NR4A1: variants seen among roughly 807,000 people sequenced by gnomAD.
NR4A1 encodes the protein nuclear receptor subfamily 4immunitygroup A member 1.
In NR4A1, 24 loss-of-function variants were observed where a neutral mutation model predicts 47.5. The observed-to-expected ratio is 0.50, with a 90% CI of 0.37 to 0.71. The LOEUF (loss-of-function observed/expected upper bound fraction) is 0.71. Among genes scored for constraint, NR4A1 ranks in the 30% least tolerant of loss-of-function variants. The probability of loss-of-function intolerance (pLI) is 0.00; values close to 1 mark genes in which losing one functional copy is unlikely to be tolerated. For synonymous variants in NR4A1, 353 were observed against 345.7 expected (o/e 1.02, Z -0.24); for missense variants, 669 against 788.6 (o/e 0.85, Z 1.82).
chr12:52,039,205 C>T (rs1938349873), intron 1 of NR4A1, among the ~76,000 whole-genome samples: 1 of 152,178 alleles, frequency 6.6e-6, no homozygotes, highest in African/African-American at 2.4e-5. Flanking sequence ...ATGTATCTGG[C>T]ACATGTTGTT....
intron 1 of NR4A1, among the ~76,000 whole-genome samples, chr12:52,035,561 C>T (rs1409547010): frequency 2.6e-5 from 4 of 152,112 alleles, no homozygotes; most frequent in Non-Finnish European, 5.9e-5. Flanking sequence ...AACAGGAGGG[C>T]ACAGGGTGAG....
chr12:52,058,596 G>A (rs970983163), intron 6 of NR4A1, 92 bp from the exon 7 acceptor site: 24 of 1,433,116 alleles, frequency 1.7e-5, no homozygotes, highest in Non-Finnish European at 2.2e-5. Flanking sequence ...ATGAGGGGTG[G>A]TCAGGGGCAG....
chr12:52,048,879 GC>G (rs1251955312), upstream of NR4A1, among the ~76,000 whole-genome samples: 1 of 151,794 alleles, frequency 6.6e-6, no homozygotes, highest in African/African-American at 2.4e-5. Flanking sequence ...CAAAATCTAA[GC>G]AAAATCTTAC....
chr12:52,057,242 C>T lies in NR4A1; in HGVS notation c.1344C>T (p.Ile448=), dbSNP rs143330151. The part of the protein sequence containing the change: ...LLESAFLELF[I]LRLAYRSKPG... ...AGTCGGCCTTCCTGGAGCTCTTCAT[C>T]CTCCGCCTGGCGTACAGGTGAGAGC... The change falls in exon 5 of 7, where the codon ATC becomes ATT. Residue 448 remains isoleucine (I), a synonymous_variant. Coordinates refer to ENST00000394825, the MANE Select transcript of NR4A1 (RefSeq NM_173157.3). The T allele has an allele frequency of 3.5e-4, 558 of 1,613,844 alleles. 1 individual carries two copies. Among genetic ancestry groups the T allele is most frequent in the Middle Eastern group, 9.9e-4 (6 of 6,062 alleles).
intron 1 of NR4A1, among the ~76,000 whole-genome samples, chr12:52,034,033 G>T (rs1460017023): frequency 1.3e-5 from 2 of 152,154 alleles, no homozygotes; most frequent in Non-Finnish European, 2.9e-5. Context: ...ACCTGGGGAG[G>T]GCCACTGAGA....
intron 1 of NR4A1, among the ~76,000 whole-genome samples, chr12:52,023,774 G>A (rs1460334287): frequency 6.6e-6 from 1 of 151,994 alleles, no homozygotes; most frequent in African/African-American, 2.4e-5. Flanking sequence ...CCAGCCTGCC[G>A]AGCCGCTCCT....
chr12:52,038,727 T>A (rs1177905019), intron 1 of NR4A1: 1 of 764,906 alleles, frequency 1.3e-6, no homozygotes, highest in Non-Finnish European at 2.4e-6. Context: ...GTGCACAGTA[T>A]AAAATCAAGA....
chr12:52,034,738 A>G (rs1938201363), intron 1 of NR4A1, among the ~76,000 whole-genome samples: 1 of 152,184 alleles, frequency 6.6e-6, no homozygotes, highest in Non-Finnish European at 1.5e-5. Context: ...AAGAAGCGAC[A>G]TTGCTCCTAT....
At chr12:52,035,994 T>G (rs916435288) in intron 1 of NR4A1, among the ~76,000 whole-genome samples, 4 of 152,174 alleles carry the variant, frequency 2.6e-5, no homozygotes, top group African/African-American at 9.7e-5. Flanking sequence ...CAGGGGCTAG[T>G]GGCTGGCACA....
At chr12:52,040,825 C>T (rs1032543533) in intron 1 of NR4A1, among the ~76,000 whole-genome samples, 1 of 152,208 alleles carries the variant, frequency 6.6e-6, no homozygotes, top group Non-Finnish European at 1.5e-5. Context: ...CTTCTCTTTT[C>T]CCAGACCTCA....
rs775662036 is a variant in NR4A1, at chr12:52,058,683, C to T, written c.1541-5C>T. On this transcript the variant is annotated splice_polypyrimidine_tract_variant and splice_region_variant and intron_variant, in intron 6 of 6. Coordinates refer to ENST00000394825, the MANE Select transcript of NR4A1 (RefSeq NM_173157.3). ...TGTACAGCTAATCCTGTACCCTTCCCGCAGACCGGCATGGGCTGCAGGAGC... is the reference window on the plus strand; with the variant it reads ...TGTACAGCTAATCCTGTACCCTTCCTGCAGACCGGCATGGGCTGCAGGAGC... 27 of 1,594,618 alleles carry T rather than the reference C, an allele frequency of 1.7e-5. No individual in the cohort carries two copies. Among genetic ancestry groups the T allele is most frequent in the Non-Finnish European group, 2.0e-5 (24 of 1,171,038 alleles).
chr12:52,054,409 CCCTGAGT>C lies in NR4A1; in HGVS notation c.82_88del (p.Pro28SerfsTer87), dbSNP rs772211662. 1.2e-6 allele frequency: 2 copies of C among 1,613,786 alleles called. No individual in the cohort carries two copies. Among genetic ancestry groups the C allele is most frequent in the South Asian group, 2.2e-5 (2 of 91,072 alleles). On this transcript the variant is annotated frameshift_variant, in exon 2 of 7. Coordinates refer to ENST00000394825, the MANE Select transcript of NR4A1 (RefSeq NM_173157.3). LOFTEE classifies it high-confidence loss of function. ...ACCACCTGGCAAGCGACCCCCTGAC[CCCTGAGT>C]TCATCAAGCCCACCATGGACCTGGC...
intron 2 of NR4A1, 195 bp from the exon 3 acceptor site, chr12:52,055,835 T>C: frequency 2.2e-6 from 1 of 459,164 alleles, no homozygotes; most frequent in Non-Finnish European, 3.8e-6. Flanking sequence ...CCTCCCCCAA[T>C]GTCTTCAAGA....
chr12:52,056,465 C>G (rs1179779060), intron 3 of NR4A1, 29 bp from the exon 4 acceptor site: 1 of 1,606,254 alleles, frequency 6.2e-7, no homozygotes, highest in Non-Finnish European at 8.5e-7. Context: ...AGATCCCTTC[C>G]TTCCTCACCC....
upstream of NR4A1, among the ~76,000 whole-genome samples, chr12:52,048,822 C>CT (rs879809627): frequency 2.4e-3 from 352 of 145,690 alleles, no homozygotes; most frequent in African/African-American, 7.9e-3. Flanking sequence ...GGTTTTAAAC[C>CT]TTTTTTTTTT....
In NR4A1 at chr12:52,059,144, G is replaced by A. The variant is rs1402757677; in HGVS notation, c.*200G>A. ...CTTCATGGGGGTGACCCCACGATTT[G>A]TCTTATCCCCCCCAGCCTGGCCCCG... On this transcript the variant is annotated 3_prime_UTR_variant, in exon 7 of 7. Transcript: ENST00000394825. 1.5e-5 allele frequency: 10 copies of A among 657,106 alleles called. No homozygotes were observed. The highest frequency in any genetic ancestry group is 2.3e-5 in the Non-Finnish European group (9 of 397,064). 40.7% of individuals were successfully genotyped at this position (657,106 alleles called of 1,614,324 possible).
At chr12:52,037,613 C>T in intron 1 of NR4A1, 1 of 985,464 alleles carries the variant, frequency 1.0e-6, no homozygotes, top group Non-Finnish European at 1.2e-6. Context: ...CCGAGTCAGC[C>T]CCCAAGGGCG....
chr12:52,046,855 C>A (rs111903375), upstream of NR4A1, among the ~76,000 whole-genome samples: 4 of 152,024 alleles, frequency 2.6e-5, no homozygotes, highest in African/African-American at 9.7e-5. Context: ...TGGTGGCGGG[C>A]GCTTGTAGTC....
Position 52,056,408 on chromosome 12 carries a change from G to C in NR4A1, c.1007-86G>C, listed in dbSNP as rs2701123. ...CTGGGTCCTAGGGACTCGGTGGGGCGCGTCTCAGCAGTGGTGTGCACGGCT... is the reference window on the plus strand; with the variant it reads ...CTGGGTCCTAGGGACTCGGTGGGGCCCGTCTCAGCAGTGGTGTGCACGGCT... On this transcript the variant is annotated intron_variant, in intron 3 of 6. Coordinates refer to ENST00000394825, the MANE Select transcript of NR4A1 (RefSeq NM_173157.3). The C allele has an allele frequency of 7.3e-3, 11,254 of 1,533,592 alleles. 703 individuals are homozygous for C. In the African/African-American group the frequency reaches 0.14, roughly 19 times the overall value. The allele number at this position is 1,533,592 out of a possible 1,614,324, so 95.0% of individuals were successfully genotyped here.
Sources: gnomAD v4.1 joint callset for allele counts (sites outside exome capture counted in the v4.1 genomes callset) on GRCh38, gnomAD v4.1.1 for gene constraint, MANE v1.5 for transcripts, NCBI Gene and HGNC (gene_info 2026-07-23, HGNC 2026-07-21) for gene names.